Variants in RPL37A observed in about 807,000 individuals in gnomAD.
RPL37A encodes the protein large ribosomal subunit protein eL43.
In RPL37A, 5 loss-of-function variants were observed where a neutral mutation model predicts 13.6. The ratio of observed to expected loss-of-function variants is 0.37; its 90% confidence interval spans 0.19 to 0.78. RPL37A has a LOEUF of 0.78. Among genes scored for constraint, RPL37A ranks in the 30% least tolerant of loss-of-function variants. The pLI, the probability that RPL37A is intolerant of heterozygous loss-of-function variation, is 0.49. For missense variants in RPL37A, 77 were observed against 120.0 expected (o/e 0.64, Z 1.67); for synonymous variants, 50 against 44.4 (o/e 1.13, Z -0.50).
Position 216,499,360 on chromosome 2 carries a change from A to G in RPL37A, c.94A>G (p.Ser32Gly). The change falls in exon 2 of 4, where the codon AGC (serine) becomes GGC (glycine). Residue 32 changes from serine (S) to glycine (G), a missense_variant. Ser to Gly is a moderately conservative substitution (Grantham distance 56). This residue lies in a region of RPL37A where 59 missense variants were observed against 65.5 expected (regional missense o/e 0.90). Transcript: ENST00000491306. ...LRKMVKKIEI[S>G]QHAKYTCSFC... ...GAAAATGGTGAAGAAAATTGAAATC[A>G]GCCAGCACGCCAAGTACACTTGCTC... 1.2e-6 allele frequency: 2 copies of G among 1,614,218 alleles called. No homozygotes were observed. The highest frequency in any genetic ancestry group is 1.1e-5 in the South Asian group (1 of 91,088).
chr2:216,498,853 C>T lies in RPL37A; in HGVS notation c.-22C>T, dbSNP rs757552861. On this transcript the variant is annotated 5_prime_UTR_variant, in exon 1 of 4. Transcript: ENST00000491306. ...CGCACCGCGTCTCTTCCTTTCTGGG[C>T]TCGGACCTAGGTCGCGGCGACATGG... 1.6e-5 allele frequency: 26 copies of T among 1,614,028 alleles called. No individual in the cohort carries two copies. Among genetic ancestry groups the T allele is most frequent in the African/African-American group, 1.5e-4 (11 of 74,936 alleles).
intron 1 of RPL37A, 104 bp downstream of exon 1, chr2:216,498,981 C>A: frequency 2.7e-6 from 4 of 1,506,468 alleles, no homozygotes; most frequent in Non-Finnish European, 3.7e-6. Context: ...CGTGTTCTCT[C>A]CTGTCTCCAT....
Position 216,501,585 on chromosome 2 carries a change from A to T in RPL37A, c.*181A>T, listed in dbSNP as rs1042138587. The T allele has an allele frequency of 4.1e-6, 2 of 491,644 alleles. No individual in the cohort carries two copies. The highest frequency in any genetic ancestry group is 2.0e-5 in the African/African-American group (1 of 51,146). 30.5% of individuals were successfully genotyped at this position (491,644 alleles called of 1,614,324 possible). On this transcript the variant is annotated 3_prime_UTR_variant, in exon 4 of 4. Transcript: ENST00000491306. ...AATTCAGTGTCTTTTTTAGTAGTCA[A>T]ATGGTAAAATGCAGCATAAGAATAT...
Position 216,502,838 on chromosome 2 carries a change from A to C in RPL37A, c.*1434A>C, listed in dbSNP as rs1344963078. The C allele has an allele frequency of 6.6e-6, 1 of 152,194 alleles. No individual in the cohort carries two copies. The highest frequency in any genetic ancestry group is 2.4e-5 in the African/African-American group (1 of 41,444). 9.4% of individuals were successfully genotyped at this position (152,194 alleles called of 1,614,324 possible). ...TTTTTTGCTCATTACTGGCCTTTGC[A>C]CGGATGTCTCCCTTCACCTGTACCT... On this transcript the variant is annotated 3_prime_UTR_variant, in exon 4 of 4. Transcript: ENST00000491306.
chr2:216,501,276 T>C (rs1350603993), intron 3 of RPL37A, 65 bp from the exon 4 acceptor site: 1 of 1,367,544 alleles, frequency 7.3e-7, no homozygotes, highest in Non-Finnish European at 1.0e-6. Flanking sequence ...GAGGCAGATT[T>C]ACTTATTTGC....
At position 216,501,463 on chromosome 2, in the gene RPL37A, C is replaced by G; in HGVS notation, c.*59C>G. ...ATAATAAATGGGTTAATTTATGTAA[C>G]AAAATTGCCTTGGCTTGTTAACTTT... On this transcript the variant is annotated 3_prime_UTR_variant, in exon 4 of 4. Transcript: ENST00000491306. The G allele has an allele frequency of 8.1e-7, 1 of 1,242,128 alleles. No individual in the cohort carries two copies. Among genetic ancestry groups the G allele is most frequent in the Non-Finnish European group, 1.2e-6 (1 of 853,114 alleles). The allele number at this position is 1,242,128 out of a possible 1,614,324, so 76.9% of individuals were successfully genotyped here.
In RPL37A at chr2:216,499,171, T is replaced by G. The variant is rs1050539292; in HGVS notation, c.4-99T>G. 3.6e-6 allele frequency: 5 copies of G among 1,398,048 alleles called. No individual in the cohort carries two copies. In the African/African-American group the frequency reaches 7.2e-5, roughly 20 times the overall value. The allele number at this position is 1,398,048 out of a possible 1,614,324, so 86.6% of individuals were successfully genotyped here. Reference sequence around the variant, plus strand: ...AACTAGGTCATATGTAATTCACATGTCGGTCACACGTCAGTGAGGTGGAGG... The same window carrying G: ...AACTAGGTCATATGTAATTCACATGGCGGTCACACGTCAGTGAGGTGGAGG... On this transcript the variant is annotated intron_variant, in intron 1 of 3. Coordinates refer to ENST00000491306, the MANE Select transcript of RPL37A (RefSeq NM_000998.5).
chr2:216,499,727 A>G (rs953175068), intron 2 of RPL37A: 16 of 694,834 alleles, frequency 2.3e-5, no homozygotes, highest in Non-Finnish European at 4.2e-5. Context: ...ATGTCTGTGC[A>G]TCTAATACCA....
At chr2:216,499,735 C>A in intron 2 of RPL37A, 1 of 697,842 alleles carries the variant, frequency 1.4e-6, no homozygotes, top group Admixed American at 2.0e-5. Context: ...GCATCTAATA[C>A]CATTCTACTT....
At position 216,503,025 on chromosome 2, in the gene RPL37A, AGG is replaced by A. The variant is rs1384376147; in HGVS notation, c.*1624_*1625del. The stretch of plus-strand genomic sequence containing the variant: ...TGTGAAGCAAGTACTGTGGGTCAGT[AGG>A]GGTAGGACCAGGAGTGACAAGTCAG... On this transcript the variant is annotated 3_prime_UTR_variant, in exon 4 of 4. Transcript: ENST00000491306. The A allele has an allele frequency of 6.6e-6, 1 of 152,220 alleles. No individual in the cohort carries two copies. The highest frequency in any genetic ancestry group is 2.4e-5 in the African/African-American group (1 of 41,446). The allele number at this position is 152,220 out of a possible 1,614,324, so 9.4% of individuals were successfully genotyped here. A position where few individuals can be genotyped will look rare whatever the true frequency, so the allele number is the denominator to read the frequency against.
Position 216,499,934 on chromosome 2 carries a change from G to C in RPL37A, c.133-15G>C, listed in dbSNP as rs1382394962. 1.9e-5 allele frequency: 30 copies of C among 1,606,592 alleles called. No individual in the cohort carries two copies. The highest frequency in any genetic ancestry group is 2.6e-5 in the Non-Finnish European group (30 of 1,173,212). On this transcript the variant is annotated splice_polypyrimidine_tract_variant and intron_variant, in intron 2 of 3. Coordinates refer to ENST00000491306, the MANE Select transcript of RPL37A (RefSeq NM_000998.5). ...ACTTACTTGGTTCATAGTGAAAATT[G>C]GTTCTCTTTTATAGACCAAGATGAA...
In RPL37A at chr2:216,502,733, G is replaced by A. The variant is rs1695621270; in HGVS notation, c.*1329G>A. On this transcript the variant is annotated 3_prime_UTR_variant, in exon 4 of 4. Transcript: ENST00000491306. ...TAAGGATGCAAATTTAATTCGATAAGAATGTGGATTTACTTCATCTTTAGG... is the reference window on the plus strand; with the variant it reads ...TAAGGATGCAAATTTAATTCGATAAAAATGTGGATTTACTTCATCTTTAGG... The A allele has an allele frequency of 6.6e-6, 1 of 152,202 alleles. No individual in the cohort carries two copies. The highest frequency in any genetic ancestry group is 2.4e-5 in the African/African-American group (1 of 41,446). 9.4% of individuals were successfully genotyped at this position (152,202 alleles called of 1,614,324 possible).
In RPL37A at chr2:216,503,502, C is replaced by G. The variant is rs1385485949; in HGVS notation, c.*2098C>G. On this transcript the variant is annotated 3_prime_UTR_variant, in exon 4 of 4. Coordinates refer to ENST00000491306, the MANE Select transcript of RPL37A (RefSeq NM_000998.5). ...CTCTACCTCCCGGGTTCAAGCAGTTCTCGTGCCTCAGCCTCCGAAGTAGCT... is the reference window on the plus strand; with the variant it reads ...CTCTACCTCCCGGGTTCAAGCAGTTGTCGTGCCTCAGCCTCCGAAGTAGCT... The G allele has an allele frequency of 2.6e-5, 4 of 152,202 alleles. No individual in the cohort carries two copies. In the South Asian group the frequency reaches 6.2e-4, roughly 24 times the overall value. The allele number at this position is 152,202 out of a possible 1,614,324, so 9.4% of individuals were successfully genotyped here. A position where few individuals can be genotyped will look rare whatever the true frequency, so the allele number is the denominator to read the frequency against.
rs1039603896 is a variant in RPL37A, at chr2:216,503,007, C to T, written c.*1603C>T. 2.6e-5 allele frequency: 4 copies of T among 152,128 alleles called. No homozygotes were observed. The highest frequency in any genetic ancestry group is 4.8e-5 in the African/African-American group (2 of 41,412). The allele number at this position is 152,128 out of a possible 1,614,324, so 9.4% of individuals were successfully genotyped here. On this transcript the variant is annotated 3_prime_UTR_variant, in exon 4 of 4. Coordinates refer to ENST00000491306, the MANE Select transcript of RPL37A (RefSeq NM_000998.5). ...CTCCTACTGATTTTGTAATGTGAAGCAAGTACTGTGGGTCAGTAGGGGTAG... is the reference window on the plus strand; with the variant it reads ...CTCCTACTGATTTTGTAATGTGAAGTAAGTACTGTGGGTCAGTAGGGGTAG...
intron 1 of RPL37A, 157 bp downstream of exon 1, chr2:216,499,034 A>C: frequency 7.9e-7 from 1 of 1,273,106 alleles, no homozygotes; most frequent in East Asian, 2.5e-5. Context: ...CCCAAGGCGG[A>C]GGGGCGGGGG....
intron 3 of RPL37A, 108 bp from the exon 4 acceptor site, chr2:216,501,233 G>A: frequency 1.3e-6 from 1 of 799,240 alleles, no homozygotes; most frequent in Non-Finnish European, 2.1e-6. Context: ...ATTCTTTCTA[G>A]GAAAATTTGG....
In RPL37A at chr2:216,501,208, G is replaced by A. The variant is rs950307780; in HGVS notation, c.216-133G>A. 16 of 651,168 alleles carry A rather than the reference G, an allele frequency of 2.5e-5. 1 individual carries two copies. The South Asian group carries it at 2.8e-4, about 12-fold the overall frequency. 40.3% of individuals were successfully genotyped at this position (651,168 alleles called of 1,614,324 possible). On this transcript the variant is annotated intron_variant, in intron 3 of 3. Coordinates refer to ENST00000491306, the MANE Select transcript of RPL37A (RefSeq NM_000998.5). The stretch of plus-strand genomic sequence containing the variant: ...ACTGCAGCAAAGTATTGGTAGAGCA[G>A]TCTATCTCAGTATAATTCTTTCTAG...
In RPL37A at chr2:216,503,833, G is replaced by A. The variant is rs543650553; in HGVS notation, c.*2429G>A. ...CCAAGATGATAGGGAGGCAGGTGATGTAGATAGGGCTGAAGATTAGATTTC... is the reference window on the plus strand; with the variant it reads ...CCAAGATGATAGGGAGGCAGGTGATATAGATAGGGCTGAAGATTAGATTTC... On this transcript the variant is annotated 3_prime_UTR_variant, in exon 4 of 4. Coordinates refer to ENST00000491306, the MANE Select transcript of RPL37A (RefSeq NM_000998.5). 5.9e-5 allele frequency: 9 copies of A among 152,354 alleles called. No individual in the cohort carries two copies. In the East Asian group the frequency reaches 1.2e-3, roughly 20 times the overall value. 9.4% of individuals were successfully genotyped at this position (152,354 alleles called of 1,614,324 possible).
intron 2 of RPL37A, 82 bp downstream of exon 2, chr2:216,499,480 T>C: frequency 6.5e-7 from 1 of 1,527,730 alleles, no homozygotes; most frequent in Non-Finnish European, 8.9e-7. Context: ...AGGTATTTTA[T>C]AAGCCGTGTG....
Sources: gnomAD v4.1 joint callset for allele counts on GRCh38, gnomAD v4.1.1 for gene constraint, gnomAD v4.1.1 regional missense constraint, MANE v1.5 for transcripts, NCBI Gene and HGNC (gene_info 2026-07-23, HGNC 2026-07-21) for gene names.